Variants in PRORP observed in about 807,000 individuals in gnomAD.
PRORP encodes protein only RNase P catalytic subunit, also known as mitochondrial ribonuclease P catalytic subunit.
A neutral mutation model predicts 59.4 loss-of-function variants in PRORP; 51 were observed. The ratio of observed to expected loss-of-function variants is 0.86; its 90% CI spans 0.69 to 1.08. PRORP has a LOEUF of 1.08. Among genes scored for constraint, PRORP ranks in the 50% least tolerant of loss-of-function variants. PRORP has a pLI of 0.00. For synonymous variants in PRORP, 231 were observed against 245.6 expected, an observed-to-expected ratio of 0.94 and a Z score of 0.55; for missense variants, 646 against 690.3, an observed-to-expected ratio of 0.94 and a Z score of 0.72.
At chr14:35,263,364 A>G (rs993627578) in intron 5 of PRORP, among the ~76,000 whole-genome samples, 11 of 152,208 alleles carry the variant, frequency 7.2e-5, no homozygotes, top group Middle Eastern at 3.4e-3. Context: ...GCCAGCATAT[A>G]TGTTTTCTTA....
At position 35,123,421 on chromosome 14, in the gene PRORP, C is replaced by A. The variant is rs199994168; in HGVS notation, c.176C>A (p.Thr59Lys). Residue 59 changes from threonine (T) to lysine (K), a missense_variant, in exon 2 of 8, where the codon ACG becomes AAG. Coordinates refer to ENST00000534898, the MANE Select transcript of PRORP (RefSeq NM_014672.4). ...KTMSPQNTKA[T>K]NLIAKARYLR... ...ATGTCTCCACAGAATACCAAAGCAA[C>A]GAATCTGATTGCCAAGGCCAGATAT... 1.2e-6 allele frequency: 2 copies of A among 1,614,156 alleles called. No homozygotes were observed. The highest frequency in any genetic ancestry group is 1.7e-5 in the Admixed American group (1 of 60,016).
intron 7 of PRORP, among the ~76,000 whole-genome samples, chr14:35,271,182 G>A (rs1403659102): frequency 1.3e-4 from 17 of 127,122 alleles, no homozygotes; most frequent in Non-Finnish European, 2.4e-4. Context: ...TTTTTGAGAC[G>A]GAATCTCACT....
At chr14:35,190,891 AATCTGTTGCAAGAT>A (rs1426516162) in intron 5 of PRORP, among the ~76,000 whole-genome samples, 3 of 152,108 alleles carry the variant, frequency 2.0e-5, no homozygotes, top group African/African-American at 7.2e-5. Flanking sequence ...TCTTCATCAT[AATCTGTTGCAAGAT>A]ATTTTAGATT....
intron 6 of PRORP, among the ~76,000 whole-genome samples, chr14:35,269,262 A>G (rs765547652): frequency 1.3e-5 from 2 of 152,200 alleles, no homozygotes; most frequent in African/African-American, 2.4e-5. Context: ...CATGGAAAAC[A>G]TATATGTTAG....
At chr14:35,209,338 A>G (rs2049378324) in intron 5 of PRORP, among the ~76,000 whole-genome samples, 1 of 152,190 alleles carries the variant, frequency 6.6e-6, no homozygotes, top group Admixed American at 6.5e-5. Flanking sequence ...TAGACCTTCA[A>G]ACATAAGGAG....
At chr14:35,237,179 A>G (rs1444888770) in intron 5 of PRORP, among the ~76,000 whole-genome samples, 1 of 150,998 alleles carries the variant, frequency 6.6e-6, no homozygotes, top group Non-Finnish European at 1.5e-5. Flanking sequence ...TGCAGCCTTG[A>G]CCTCCTAGGC....
intron 5 of PRORP, among the ~76,000 whole-genome samples, chr14:35,210,961 C>G (rs1389677865): frequency 6.6e-6 from 1 of 151,562 alleles, no homozygotes; most frequent in East Asian, 1.9e-4. Flanking sequence ...TGTAGAGACA[C>G]AGGGTCTTAC....
In PRORP at chr14:35,266,761, A is replaced by G. The variant is rs11156878; in HGVS notation, c.1310A>G (p.Asn437Ser). The G allele has an allele frequency of 0.15, 245,934 of 1,613,910 alleles. 20,024 individuals carry two copies. The highest frequency in any genetic ancestry group is 0.22 in the Middle Eastern group (1,312 of 6,062). ...GTCGTCTCTCAACTAGCCAAACGGA[A>G]TCTGCGACTGCTGGTCCTAGGCCGG... ...LNVVSQLAKR[N>S]LRLLVLGRKH... Residue 437 changes from asparagine to serine, a missense_variant, in exon 6 of 8, where the codon AAT (asparagine) becomes AGT (serine). Transcript: ENST00000534898.
At chr14:35,240,494 A>G (rs919764774) in intron 5 of PRORP, among the ~76,000 whole-genome samples, 2 of 151,392 alleles carry the variant, frequency 1.3e-5, no homozygotes, top group Non-Finnish European at 3.0e-5. Context: ...TGCTGGTGTC[A>G]CTTTTCCTAT....
rs147230667 is a variant in PRORP, at chr14:35,137,361, T to C, written c.1167+9750T>C. Among the ~76,000 whole-genome samples the C allele has an allele frequency of 3.5e-4, 51 of 144,730 alleles. 15 individuals carry two copies. In the East Asian group the frequency reaches 0.011, roughly 31 times the overall value. The allele number at this position is 144,730 out of a possible 152,430, so 94.9% of individuals were successfully genotyped here. On this transcript the variant is annotated intron_variant, in intron 4 of 7. Coordinates refer to ENST00000534898, the MANE Select transcript of PRORP (RefSeq NM_014672.4). The stretch of plus-strand genomic sequence containing the variant: ...CAGGGGTTGCCAAAAAGAGCACAAA[T>C]GTGGAGGTTGGAAATGAAGGAAATA...
At chr14:35,231,795 G>A (rs1368333830) in intron 5 of PRORP, among the ~76,000 whole-genome samples, 1 of 152,160 alleles carries the variant, frequency 6.6e-6, no homozygotes, top group Non-Finnish European at 1.5e-5. Flanking sequence ...ACGTAAAGAT[G>A]ATGTTGAGGG....
At chr14:35,179,722 CCTT>C (rs1182122320) in intron 4 of PRORP, among the ~76,000 whole-genome samples, 2 of 152,336 alleles carry the variant, frequency 1.3e-5, no homozygotes, top group Admixed American at 6.5e-5. Flanking sequence ...TCGTCTGAAG[CCTT>C]CTTCTCTCAA....
Position 35,266,782 on chromosome 14 carries a change from G to T in PRORP, c.1331G>T (p.Gly444Val). 2 of 1,614,118 alleles carry T rather than the reference G, an allele frequency of 1.2e-6. No homozygotes were observed. The highest frequency in any genetic ancestry group is 1.7e-6 in the Non-Finnish European group (2 of 1,180,016). Residue 444 changes from glycine to valine, a missense_variant, in exon 6 of 8, where the codon GGC becomes GTC. Transcript: ENST00000534898. Reference protein sequence around the residue: ...AKRNLRLLVLGRKHMLRRSSQ... With the variant: ...AKRNLRLLVLVRKHMLRRSSQ... Reference sequence around the variant, plus strand: ...CGGAATCTGCGACTGCTGGTCCTAGGCCGGAAGCACATGCTAAGACGGAGT... The same window carrying T: ...CGGAATCTGCGACTGCTGGTCCTAGTCCGGAAGCACATGCTAAGACGGAGT...
At chr14:35,146,903 G>A (rs771924115) in intron 4 of PRORP, among the ~76,000 whole-genome samples, 2 of 152,072 alleles carry the variant, frequency 1.3e-5, no homozygotes, top group African/African-American at 2.4e-5. Context: ...ACCAGCCCGG[G>A]GAACATAGTG....
chr14:35,174,519 A>G (rs887606173), intron 4 of PRORP, among the ~76,000 whole-genome samples: 3 of 152,106 alleles, frequency 2.0e-5, no homozygotes, highest in Non-Finnish European at 4.4e-5. Flanking sequence ...CTAGGCATGT[A>G]GTAGGTGCTC....
At chr14:35,193,387 G>C (rs2048931887) in intron 5 of PRORP, among the ~76,000 whole-genome samples, 1 of 152,220 alleles carries the variant, frequency 6.6e-6, no homozygotes, top group African/African-American at 2.4e-5. Context: ...TGTAGAATTT[G>C]TTTTGATTGC....
At chr14:35,257,681 G>T (rs2050794574) in intron 5 of PRORP, among the ~76,000 whole-genome samples, 3 of 152,022 alleles carry the variant, frequency 2.0e-5, no homozygotes, top group Admixed American at 2.0e-4. Context: ...TTATAAATGA[G>T]GTATATTGAT....
intron 4 of PRORP, among the ~76,000 whole-genome samples, chr14:35,137,230 G>C (rs193167734): frequency 1.4e-5 from 2 of 145,014 alleles, no homozygotes; most frequent in Non-Finnish European, 3.1e-5. Flanking sequence ...AGAGAGATAG[G>C]CTTGTGCCTG....
intron 5 of PRORP, among the ~76,000 whole-genome samples, chr14:35,245,003 G>T (rs2050450438): frequency 6.6e-6 from 1 of 152,194 alleles, no homozygotes; most frequent in Admixed American, 6.5e-5. Context: ...TTATGATCTG[G>T]CTTTATTCTT....
Sources: allele counts gnomAD v4.1 joint callset (sites outside exome capture counted in the v4.1 genomes callset), GRCh38; gene constraint gnomAD v4.1.1; transcripts MANE v1.5; gene names NCBI Gene and HGNC (gene_info 2026-07-23, HGNC 2026-07-21).